CTNND2: variants seen among roughly 807,000 people sequenced by gnomAD.
CTNND2 encodes catenin delta 2, also known as catenin delta-2.
CTNND2 carries 22 observed loss-of-function variants against 144.4 expected under a neutral mutation model. That is an observed-to-expected ratio of 0.15 (90% CI 0.11 to 0.22). CTNND2 has a LOEUF of 0.22. Among genes scored for constraint, CTNND2 ranks in the 10% least tolerant of loss-of-function variants. CTNND2 has a pLI of 1.00. For synonymous variants in CTNND2, 751 were observed against 695.6 expected (o/e 1.08, Z -1.25); for missense variants, 1,353 against 1,618.8 (o/e 0.84, Z 2.82).
chr5:11,034,078 G>A (rs1743795275), intron 16 of CTNND2, among the ~76,000 whole-genome samples: 1 of 152,174 alleles, frequency 6.6e-6, no homozygotes, highest in Non-Finnish European at 1.5e-5. Context: ...AGTTGATGCA[G>A]TATTTTCAGG....
chr5:11,575,890 G>C (rs950573043), intron 2 of CTNND2, among the ~76,000 whole-genome samples: 3 of 151,906 alleles, frequency 2.0e-5, no homozygotes, highest in African/African-American at 7.3e-5. Flanking sequence ...CATCCATTCC[G>C]AAAGCCTCAA....
At chr5:11,362,334 A>T (rs537325149) in intron 8 of CTNND2, among the ~76,000 whole-genome samples, 1 of 152,370 alleles carries the variant, frequency 6.6e-6, no homozygotes, top group Admixed American at 6.5e-5. Flanking sequence ...ATCTAAATAA[A>T]AAGACATATA....
At chr5:11,825,070 A>C (rs1302500335) in intron 1 of CTNND2, among the ~76,000 whole-genome samples, 1 of 152,170 alleles carries the variant, frequency 6.6e-6, no homozygotes, top group Non-Finnish European at 1.5e-5. Context: ...TATAGTATTT[A>C]CCTTTGATTT....
intron 2 of CTNND2, among the ~76,000 whole-genome samples, chr5:11,667,350 C>G (rs888823975): frequency 6.6e-6 from 1 of 152,178 alleles, no homozygotes; most frequent in East Asian, 1.9e-4. Flanking sequence ...ACACTGTCTT[C>G]CCCAATGGTT....
intron 1 of CTNND2, among the ~76,000 whole-genome samples, chr5:11,853,821 G>A (rs1056572913): frequency 3.9e-5 from 6 of 152,180 alleles, no homozygotes; most frequent in African/African-American, 1.4e-4. Context: ...TAGGTACAGC[G>A]TTTAGTCACT....
In CTNND2 at chr5:11,064,845, G is replaced by C. The variant is rs924317784; in HGVS notation, c.2788+17851C>G. Among the ~76,000 whole-genome samples the C allele has an allele frequency of 5.3e-5, 8 of 152,312 alleles. No individual in the cohort carries two copies. In the South Asian group the frequency reaches 1.7e-3, roughly 32 times the overall value. On this transcript the variant is annotated intron_variant, in intron 16 of 21. Transcript: ENST00000304623. ...CTGTCAATCACACTGTTACTATCTAGACTGATTCCTTATCTAATTAGACTA... is the reference window on the plus strand; with the variant it reads ...CTGTCAATCACACTGTTACTATCTACACTGATTCCTTATCTAATTAGACTA...
At chr5:10,981,652 G>T in intron 21 of CTNND2, 121 bp downstream of exon 21, 1 of 895,804 alleles carries the variant, frequency 1.1e-6, no homozygotes, top group Non-Finnish European at 1.8e-6. Context: ...GGGCCTCAGG[G>T]GACGTTGCCT....
chr5:11,130,789 C>A (rs144538032), intron 12 of CTNND2, among the ~76,000 whole-genome samples: 1 of 152,242 alleles, frequency 6.6e-6, no homozygotes, highest in African/African-American at 2.4e-5. Context: ...CCATATGGTC[C>A]ATCCCCCGGG....
At chr5:11,855,058 G>C (rs986726631) in intron 1 of CTNND2, among the ~76,000 whole-genome samples, 2 of 152,162 alleles carry the variant, frequency 1.3e-5, no homozygotes, top group Non-Finnish European at 2.9e-5. Flanking sequence ...ATCTGATTAA[G>C]ACACAGTTCC....
intron 9 of CTNND2, among the ~76,000 whole-genome samples, chr5:11,330,781 T>G (rs1753056342): frequency 1.5e-5 from 1 of 64,896 alleles, no homozygotes; most frequent in Non-Finnish European, 2.8e-5. Context: ...AAACTCTGTA[T>G]CAAAAAAAAA....
chr5:11,493,009 G>C (rs1024514439), intron 3 of CTNND2, among the ~76,000 whole-genome samples: 2 of 152,056 alleles, frequency 1.3e-5, no homozygotes, highest in Non-Finnish European at 2.9e-5. Flanking sequence ...GAAGCAGAGG[G>C]AAGATTGCGC....
intron 12 of CTNND2, among the ~76,000 whole-genome samples, chr5:11,144,662 G>A (rs986816246): frequency 3.3e-5 from 5 of 152,104 alleles, no homozygotes; most frequent in African/African-American, 4.8e-5. Context: ...TATCCTTTGA[G>A]TTGGTGGGAA....
intron 1 of CTNND2, among the ~76,000 whole-genome samples, chr5:11,736,875 C>T (rs757266928): frequency 6.6e-6 from 1 of 152,108 alleles, no homozygotes; most frequent in African/African-American, 2.4e-5. Context: ...ATGTTTTTTA[C>T]ATAATAAGGT....
intron 1 of CTNND2, among the ~76,000 whole-genome samples, chr5:11,773,448 T>C (rs1581860061): frequency 6.6e-6 from 1 of 152,232 alleles, no homozygotes; most frequent in Admixed American, 6.5e-5. Context: ...TAGCCCCAGA[T>C]GCTATTTAAG....
intron 3 of CTNND2, among the ~76,000 whole-genome samples, chr5:11,556,091 C>G (rs1454983740): frequency 3.3e-5 from 5 of 151,948 alleles, no homozygotes; most frequent in African/African-American, 4.8e-5. Context: ...TTTTTCCTAG[C>G]ATGGAAACTA....
At position 11,186,477 on chromosome 5, in the gene CTNND2, G is replaced by T. The variant is rs55643253; in HGVS notation, c.1975+12971C>A. Among the ~76,000 whole-genome samples, 474 of 152,228 alleles carry T rather than the reference G, an allele frequency of 3.1e-3. 2 individuals carry two copies. Among genetic ancestry groups the T allele is most frequent in the African/African-American group, 1.0e-2 (415 of 41,528 alleles). On this transcript the variant is annotated intron_variant, in intron 11 of 21. Coordinates refer to ENST00000304623, the MANE Select transcript of CTNND2 (RefSeq NM_001332.4). Reference sequence around the variant, plus strand: ...TTGAGGAAGCACACTGTAATATGAGGTAACCTCAAATTCATTCTAATTTGA... The same window carrying T: ...TTGAGGAAGCACACTGTAATATGAGTTAACCTCAAATTCATTCTAATTTGA...
intron 19 of CTNND2, among the ~76,000 whole-genome samples, chr5:10,989,925 C>T (rs893173494): frequency 6.6e-6 from 1 of 152,190 alleles, no homozygotes; most frequent in Non-Finnish European, 1.5e-5. Context: ...GCTCTTGAAG[C>T]CATCACGGGT....
At chr5:11,743,059 C>T (rs1193723252) in intron 1 of CTNND2, among the ~76,000 whole-genome samples, 2 of 152,158 alleles carry the variant, frequency 1.3e-5, no homozygotes, top group African/African-American at 2.4e-5. Flanking sequence ...CTAAAGTTAT[C>T]GCTTATCATA....
chr5:11,874,749 C>A (rs765978725), intron 1 of CTNND2, among the ~76,000 whole-genome samples: 2 of 152,156 alleles, frequency 1.3e-5, no homozygotes, highest in African/African-American at 2.4e-5. Context: ...TAGTTTTAGA[C>A]CACAGTTGAC....
Sources: gnomAD v4.1 joint callset for allele counts (sites outside exome capture counted in the v4.1 genomes callset) on GRCh38, gnomAD v4.1.1 for gene constraint, MANE v1.5 for transcripts, NCBI Gene and HGNC (gene_info 2026-07-23, HGNC 2026-07-21) for gene names.